The following GABRB1 variants were observed in gnomAD, a reference collection of about 807,000 sequenced individuals.
GABRB1 encodes the protein gamma-aminobutyric acid type A receptor subunit beta1.
A neutral mutation model predicts 51.6 loss-of-function variants in GABRB1; 17 were observed. That is an observed-to-expected ratio of 0.33 (90% CI 0.23 to 0.49). GABRB1 has a LOEUF of 0.49. GABRB1 is among the 20% of genes least tolerant of loss of function. The probability of loss-of-function intolerance (pLI) is 0.99; values close to 1 mark genes in which losing one functional copy is unlikely to be tolerated. For synonymous variants in GABRB1, 247 were observed against 218.9 expected, an observed-to-expected ratio of 1.13 and a Z score of -1.14; for missense variants, 410 against 600.6, an observed-to-expected ratio of 0.68 and a Z score of 3.32.
intron 4 of GABRB1, among the ~76,000 whole-genome samples, chr4:47,304,074 T>C (rs1724360117): frequency 1.3e-5 from 2 of 152,082 alleles, no homozygotes; most frequent in Admixed American, 6.6e-5. Flanking sequence ...AATGGACACT[T>C]AGTTGATTCC....
chr4:47,056,823 G>A (rs1649801233), intron 3 of GABRB1, among the ~76,000 whole-genome samples: 1 of 152,148 alleles, frequency 6.6e-6, no homozygotes, highest in African/African-American at 2.4e-5. Context: ...AAGATCATAA[G>A]GTGGCTGGCA....
In GABRB1 at chr4:47,120,503, T is replaced by A. The variant is rs112936393; in HGVS notation, c.241-40746T>A. Among the ~76,000 whole-genome samples the A allele has an allele frequency of 8.2e-3, 1,247 of 152,084 alleles. 13 individuals carry two copies. The highest frequency in any genetic ancestry group is 0.028 in the African/African-American group (1,169 of 41,506). ...CTGGTACCTAAGCTGCAAGGCAAAATCCCCTTTACTCTTTCCTCTGCTTTT... is the reference window on the plus strand; with the variant it reads ...CTGGTACCTAAGCTGCAAGGCAAAAACCCCTTTACTCTTTCCTCTGCTTTT... On this transcript the variant is annotated intron_variant, in intron 3 of 8. Coordinates refer to ENST00000295454, the MANE Select transcript of GABRB1 (RefSeq NM_000812.4).
chr4:47,403,428 G>T lies in GABRB1; in HGVS notation c.655G>T (p.Val219Leu). The change falls in exon 6 of 9, where the codon GTG (valine) becomes TTG (leucine). Residue 219 changes from valine to leucine, a missense_variant. Coordinates refer to ENST00000295454, the MANE Select transcript of GABRB1 (RefSeq NM_000812.4). ...PQFSIVDYKM[V>L]SKKVEFTTGA... ...ATTTTCAATTGTTGACTACAAGATG[G>T]TGTCTAAGAAGGTGGAGTTCACAAC... The T allele has an allele frequency of 6.2e-7, 1 of 1,614,052 alleles. No homozygotes were observed. Among genetic ancestry groups the T allele is most frequent in the Non-Finnish European group, 8.5e-7 (1 of 1,179,946 alleles).
chr4:47,334,438 TTACCTGAAA>T (rs1578102097), intron 5 of GABRB1, among the ~76,000 whole-genome samples: 1 of 152,120 alleles, frequency 6.6e-6, no homozygotes, highest in African/African-American at 2.4e-5. Flanking sequence ...CTTTTTCAAA[TTACCTGAAA>T]TACATACACC....
At chr4:47,376,592 A>G (rs890345590) in intron 5 of GABRB1, among the ~76,000 whole-genome samples, 1 of 152,208 alleles carries the variant, frequency 6.6e-6, no homozygotes, top group African/African-American at 2.4e-5. Flanking sequence ...GCTTGCAGTG[A>G]GCCGAGACCG....
intron 4 of GABRB1, among the ~76,000 whole-genome samples, chr4:47,203,779 C>T (rs752695300): frequency 6.6e-6 from 1 of 151,918 alleles, no homozygotes; most frequent in South Asian, 2.1e-4. Context: ...TCACAGCTGC[C>T]CCCTCAGAGC....
At chr4:47,101,187 C>A (rs1017346641) in intron 3 of GABRB1, among the ~76,000 whole-genome samples, 3 of 151,954 alleles carry the variant, frequency 2.0e-5, no homozygotes, top group African/African-American at 4.8e-5. Context: ...CCAGTGTATA[C>A]CTCAATGCAT....
At chr4:47,129,816 G>A (rs1030290545) in intron 3 of GABRB1, among the ~76,000 whole-genome samples, 3 of 151,982 alleles carry the variant, frequency 2.0e-5, no homozygotes, top group African/African-American at 7.3e-5. Flanking sequence ...AGAACCCAGG[G>A]AAGAAAAAAG....
intron 5 of GABRB1, among the ~76,000 whole-genome samples, chr4:47,367,934 T>C (rs960075423): frequency 6.6e-6 from 1 of 152,160 alleles, no homozygotes; most frequent in African/African-American, 2.4e-5. Flanking sequence ...CTAGCTCACA[T>C]GAAACAAAGG....
At chr4:47,189,579 C>A (rs1719342796) in intron 4 of GABRB1, among the ~76,000 whole-genome samples, 1 of 151,772 alleles carries the variant, frequency 6.6e-6, no homozygotes, top group Non-Finnish European at 1.5e-5. Flanking sequence ...TTCTTATATT[C>A]TATCCTTATT....
rs192631137 is a variant in GABRB1 at position 47,424,781 on chromosome 4, A to C, written c.1081-893A>C. Among the ~76,000 whole-genome samples, 475 of 152,296 alleles carry C rather than the reference A, an allele frequency of 3.1e-3. 1 individual carries two copies. The highest frequency in any genetic ancestry group is 0.011 in the African/African-American group (446 of 41,548). Reference sequence around the variant, plus strand: ...AAGTATATCAGCTTGAAGTTAAACAAGGCCACATTCTGAGCCAAACTGTGC... The same window carrying C: ...AAGTATATCAGCTTGAAGTTAAACACGGCCACATTCTGAGCCAAACTGTGC... On this transcript the variant is annotated intron_variant, in intron 8 of 8. Transcript: ENST00000295454.
At chr4:47,278,573 T>C (rs1233635464) in intron 4 of GABRB1, among the ~76,000 whole-genome samples, 5 of 151,506 alleles carry the variant, frequency 3.3e-5, no homozygotes, top group Admixed American at 6.6e-5. Flanking sequence ...ACAGCAGAAG[T>C]AAACTGGGAA....
chr4:47,221,818 A>G (rs1264735122), intron 4 of GABRB1, among the ~76,000 whole-genome samples: 1 of 151,982 alleles, frequency 6.6e-6, no homozygotes, highest in Non-Finnish European at 1.5e-5. Context: ...TTCTTGTTTT[A>G]TATGTGGTTC....
intron 4 of GABRB1, among the ~76,000 whole-genome samples, chr4:47,303,069 G>C (rs972630486): frequency 6.6e-6 from 1 of 151,830 alleles, no homozygotes; most frequent in African/African-American, 2.4e-5. Flanking sequence ...TAGTTTGAGA[G>C]GTGGTGGTAG....
intron 4 of GABRB1, among the ~76,000 whole-genome samples, chr4:47,300,718 G>T (rs1205334665): frequency 6.6e-6 from 1 of 152,144 alleles, no homozygotes; most frequent in African/African-American, 2.4e-5. Context: ...GACACTTAGT[G>T]TGCTTATAAA....
chr4:46,997,287 C>T (rs1293152541), intron 1 of GABRB1, among the ~76,000 whole-genome samples: 2 of 151,956 alleles, frequency 1.3e-5, no homozygotes, highest in Non-Finnish European at 2.9e-5. Context: ...CACCACCTTA[C>T]ATAGTTACCT....
At chr4:47,018,718 TAAGG>T (rs1724822621) in intron 1 of GABRB1, among the ~76,000 whole-genome samples, 1 of 152,126 alleles carries the variant, frequency 6.6e-6, no homozygotes, top group Non-Finnish European at 1.5e-5. Flanking sequence ...AAGAAAATCA[TAAGG>T]AAGAGAAAAT....
At chr4:47,084,717 G>T (rs1727993611) in intron 3 of GABRB1, among the ~76,000 whole-genome samples, 1 of 152,250 alleles carries the variant, frequency 6.6e-6, no homozygotes, top group East Asian at 1.9e-4. Context: ...CAAAGTCTTT[G>T]TAAGACTTAC....
chr4:47,365,707 G>T (rs532573352), intron 5 of GABRB1, among the ~76,000 whole-genome samples: 7 of 152,222 alleles, frequency 4.6e-5, no homozygotes, highest in African/African-American at 1.7e-4. Context: ...TGAGATCAAG[G>T]TATTTATTCC....
Sources: allele counts gnomAD v4.1 joint callset (sites outside exome capture counted in the v4.1 genomes callset), GRCh38; gene constraint gnomAD v4.1.1; transcripts MANE v1.5; gene names NCBI Gene and HGNC (gene_info 2026-07-23, HGNC 2026-07-21).